Variants in RNLS observed in about 807,000 individuals in gnomAD.
RNLS encodes renalase.
RNLS carries 39 observed loss-of-function variants against 39.8 expected under a neutral mutation model. The observed-to-expected ratio is 0.98, with a 90% CI of 0.76 to 1.28. The LOEUF (loss-of-function observed/expected upper bound fraction) is 1.28. RNLS is among the 50% of genes most tolerant of loss of function. RNLS has a pLI of 0.00. For missense variants in RNLS, 410 were observed against 413.3 expected, an observed-to-expected ratio of 0.99 and a Z score of 0.07; for synonymous variants, 147 against 150.7, an observed-to-expected ratio of 0.98 and a Z score of 0.18.
At chr10:88,425,337 C>G (rs1332008178) in intron 4 of RNLS, among the ~76,000 whole-genome samples, 1 of 151,984 alleles carries the variant, frequency 6.6e-6, no homozygotes, top group Admixed American at 6.6e-5. Context: ...ACCCCTGCCC[C>G]AAAGCATAAA....
At chr10:88,434,448 G>A (rs1855335462) in intron 4 of RNLS, among the ~76,000 whole-genome samples, 1 of 152,012 alleles carries the variant, frequency 6.6e-6, no homozygotes, top group South Asian at 2.1e-4. Flanking sequence ...AGCTTTTTTT[G>A]GTACCCAGAG....
chr10:88,188,048 A>G, the RNLS span, among the ~76,000 whole-genome samples: 1 of 152,114 alleles, frequency 6.6e-6, no homozygotes, highest in Non-Finnish European at 1.5e-5. Flanking sequence ...TGAAAATAAA[A>G]GTCCTCAGTT....
intron 4 of RNLS, among the ~76,000 whole-genome samples, chr10:88,514,461 G>GTACA (rs752623137): frequency 1.9e-4 from 29 of 152,128 alleles, no homozygotes; most frequent in Non-Finnish European, 4.0e-4. Flanking sequence ...ACATTTAAAT[G>GTACA]TACAATACAA....
At chr10:88,367,529 A>G (rs1564736725) in intron 4 of RNLS, among the ~76,000 whole-genome samples, 2 of 152,180 alleles carry the variant, frequency 1.3e-5, no homozygotes, top group African/African-American at 4.8e-5. Context: ...TGTGAAGAAC[A>G]TATGTATGTG....
intron 6 of RNLS, among the ~76,000 whole-genome samples, chr10:88,276,831 A>C (rs183290829): frequency 2.0e-5 from 3 of 152,320 alleles, no homozygotes; most frequent in African/African-American, 7.2e-5. Flanking sequence ...GCAACCTATA[A>C]ATTAATCAGG....
intron 4 of RNLS, among the ~76,000 whole-genome samples, chr10:88,402,536 G>C (rs546758064): frequency 6.6e-6 from 1 of 151,900 alleles, no homozygotes; most frequent in Non-Finnish European, 1.5e-5. Context: ...CTAATAAATC[G>C]TTGGGGTTTC....
intron 6 of RNLS, among the ~76,000 whole-genome samples, chr10:88,294,129 A>C (rs1343981979): frequency 6.6e-6 from 1 of 152,188 alleles, no homozygotes; most frequent in Non-Finnish European, 1.5e-5. Context: ...TGTGGCCTAG[A>C]GAGTGAATGC....
chr10:88,463,614 A>T (rs1303043388), intron 4 of RNLS, among the ~76,000 whole-genome samples: 1 of 152,062 alleles, frequency 6.6e-6, no homozygotes, highest in Non-Finnish European at 1.5e-5. Context: ...GTACTGGAAT[A>T]TCAACTTCAC....
chr10:88,306,867 T>A (rs10788590), intron 6 of RNLS, among the ~76,000 whole-genome samples: 1 of 151,960 alleles, frequency 6.6e-6, no homozygotes, highest in African/African-American at 2.4e-5. Flanking sequence ...AGCACAGACA[T>A]GACAAAAAAA....
chr10:88,216,098 A>C, the RNLS span, among the ~76,000 whole-genome samples: 4 of 152,228 alleles, frequency 2.6e-5, no homozygotes, highest in Admixed American at 1.3e-4. Context: ...TGTAGAGTTC[A>C]TAAAAGCTAT....
intron 4 of RNLS, among the ~76,000 whole-genome samples, chr10:88,491,312 G>A (rs1246984723): frequency 6.6e-6 from 1 of 152,152 alleles, no homozygotes; most frequent in East Asian, 1.9e-4. Flanking sequence ...ATTATTTCGG[G>A]ATAAGAGTAG....
At chr10:88,208,120 G>A in the RNLS span, among the ~76,000 whole-genome samples, 1 of 152,064 alleles carries the variant, frequency 6.6e-6, no homozygotes, top group Non-Finnish European at 1.5e-5. Flanking sequence ...TAGGCGAATT[G>A]TACCACCCTT....
intron 4 of RNLS, among the ~76,000 whole-genome samples, chr10:88,433,229 T>G (rs952970704): frequency 2.0e-5 from 3 of 152,074 alleles, no homozygotes; most frequent in African/African-American, 7.2e-5. Context: ...CAGTGAATGC[T>G]AAGACCCAAA....
At chr10:88,428,427 C>G (rs1395022077) in intron 4 of RNLS, among the ~76,000 whole-genome samples, 1 of 151,964 alleles carries the variant, frequency 6.6e-6, no homozygotes, top group Non-Finnish European at 1.5e-5. Flanking sequence ...GTTAACGACA[C>G]TCTACTTAGG....
intron 4 of RNLS, among the ~76,000 whole-genome samples, chr10:88,516,468 C>T (rs779667174): frequency 1.3e-4 from 19 of 151,756 alleles, no homozygotes; most frequent in Non-Finnish European, 2.6e-4. Context: ...ATAATTCTTA[C>T]GGAATTAAGT....
chr10:88,438,120 C>A, intron 4 of RNLS, among the ~76,000 whole-genome samples: 1 of 112,052 alleles, frequency 8.9e-6, no homozygotes, highest in African/African-American at 4.6e-5. Flanking sequence ...GAGTGAAACT[C>A]CTAAAAAAAA....
At chr10:88,186,129 C>G in the RNLS span, among the ~76,000 whole-genome samples, 1 of 152,132 alleles carries the variant, frequency 6.6e-6, no homozygotes, top group South Asian at 2.1e-4. Context: ...AATCAGCAAA[C>G]ACAAGGCAGA....
At chr10:88,507,683 A>G (rs149408496) in intron 4 of RNLS, among the ~76,000 whole-genome samples, 51 of 152,284 alleles carry the variant, frequency 3.3e-4, no homozygotes, top group African/African-American at 1.1e-3. Flanking sequence ...GATACAATAC[A>G]TTATAATTTG....
At chr10:88,564,316 TACACACACAC>T (rs5786827) in intron 4 of RNLS, among the ~76,000 whole-genome samples, 7 of 149,028 alleles carry the variant, frequency 4.7e-5, no homozygotes, top group African/African-American at 7.4e-5. Flanking sequence ...TGACTGCAAA[TACACACACAC>T]ACACACACAC....
Sources: gnomAD v4.1 joint callset for allele counts (sites outside exome capture counted in the v4.1 genomes callset) on GRCh38, gnomAD v4.1.1 for gene constraint, MANE v1.5 for transcripts, NCBI Gene and HGNC (gene_info 2026-07-23, HGNC 2026-07-21) for gene names.